The following PIP4P2 variants were observed in gnomAD, a reference collection of about 807,000 sequenced individuals.
PIP4P2 encodes phosphatidylinositol-4,5-bisphosphate 4-phosphatase 2.
In PIP4P2, 19 loss-of-function variants were observed where a neutral mutation model predicts 33.3. That is an observed-to-expected ratio of 0.57 (90% CI 0.40 to 0.84). The LOEUF is 0.84. Ranked by LOEUF, PIP4P2 falls within the 40% of genes least tolerant of loss-of-function variation. The pLI, the probability that PIP4P2 is intolerant of heterozygous loss-of-function variation, is 0.00. For missense variants in PIP4P2, 270 were observed against 324.7 expected (o/e 0.83, Z 1.29); for synonymous variants, 110 against 111.9 (o/e 0.98, Z 0.11).
At chr8:91,008,240 T>C (rs1209634537) in intron 5 of PIP4P2, among the ~76,000 whole-genome samples, 1 of 152,186 alleles carries the variant, frequency 6.6e-6, no homozygotes, top group Non-Finnish European at 1.5e-5. Context: ...TATATTGTCA[T>C]TATTTTCATT....
rs533237688 is a variant in PIP4P2, at chr8:91,007,270, AG to A, written c.539+1472del. Among the ~76,000 whole-genome samples the A allele has an allele frequency of 4.6e-5, 7 of 152,354 alleles. No homozygotes were observed. The South Asian group carries it at 1.2e-3, about 27-fold the overall frequency. On this transcript the variant is annotated intron_variant, in intron 5 of 6. Coordinates refer to ENST00000285419, the MANE Select transcript of PIP4P2 (RefSeq NM_018710.3). ...GAATGATTAATTTCACAAATAAAAA[AG>A]AAACTATTTTTTATAAGCTAAGATA...
intron 5 of PIP4P2, among the ~76,000 whole-genome samples, chr8:91,003,316 G>A (rs1284334439): frequency 6.6e-6 from 1 of 152,194 alleles, no homozygotes; most frequent in Non-Finnish European, 1.5e-5. Flanking sequence ...GTCCTGGTGA[G>A]AGATGCTGAA....
chr8:91,020,608 G>C (rs1811994928), intron 2 of PIP4P2, among the ~76,000 whole-genome samples: 1 of 152,056 alleles, frequency 6.6e-6, no homozygotes, highest in Admixed American at 6.6e-5. Flanking sequence ...ATCTAAACCA[G>C]TGTATGCTTT....
chr8:91,002,528 A>G (rs947971681), intron 5 of PIP4P2, among the ~76,000 whole-genome samples: 2 of 152,212 alleles, frequency 1.3e-5, no homozygotes, highest in African/African-American at 4.8e-5. Flanking sequence ...TGTTCTTTAC[A>G]TTACAATTTT....
intron 1 of PIP4P2, 89 bp from the exon 2 acceptor site, chr8:91,021,493 A>T: frequency 7.0e-7 from 1 of 1,424,420 alleles, no homozygotes; most frequent in Non-Finnish European, 9.4e-7. Context: ...AAGAAGAAAC[A>T]ATCAAGATTT....
Position 91,040,844 on chromosome 8 carries a change from C to CGCTGCAGCT in PIP4P2, c.-104_-96dup. The CGCTGCAGCT allele has an allele frequency of 9.0e-7, 1 of 1,116,562 alleles. No individual in the cohort carries two copies. 69.2% of individuals were successfully genotyped at this position (1,116,562 alleles called of 1,614,324 possible). On this transcript the variant is annotated 5_prime_UTR_variant, in exon 1 of 7. Coordinates refer to ENST00000285419, the MANE Select transcript of PIP4P2 (RefSeq NM_018710.3). ...CTGCTGCCTCTGCTGCCGCTGCTGC[C>CGCTGCAGCT]GCTGCAGCTGCTGCTGCTGCCGCCT...
chr8:91,017,914 T>A (rs538998340), intron 4 of PIP4P2, among the ~76,000 whole-genome samples: 2 of 152,358 alleles, frequency 1.3e-5, no homozygotes, highest in East Asian at 3.9e-4. Flanking sequence ...CTAATGGTTT[T>A]ATCTAATTAT....
intron 1 of PIP4P2, among the ~76,000 whole-genome samples, chr8:91,026,922 T>C (rs989347734): frequency 3.3e-5 from 5 of 152,126 alleles, no homozygotes; most frequent in African/African-American, 1.2e-4. Context: ...ATGGTAGTAA[T>C]AATTATTATA....
chr8:91,023,234 T>G (rs1812035805), intron 1 of PIP4P2, among the ~76,000 whole-genome samples: 1 of 151,318 alleles, frequency 6.6e-6, no homozygotes, highest in South Asian at 2.1e-4. Flanking sequence ...TTAACAAAAG[T>G]TGCTTCCTCT....
At chr8:91,025,538 C>T (rs1373149960) in intron 1 of PIP4P2, among the ~76,000 whole-genome samples, 2 of 152,130 alleles carry the variant, frequency 1.3e-5, no homozygotes, top group African/African-American at 4.8e-5. Context: ...TTTATTATCT[C>T]AATTATTCCT....
At chr8:91,034,405 T>C (rs1435846029) in intron 1 of PIP4P2, among the ~76,000 whole-genome samples, 1 of 152,152 alleles carries the variant, frequency 6.6e-6, no homozygotes, top group Non-Finnish European at 1.5e-5. Context: ...CTCACCACCA[T>C]ACTGGAAAGC....
chr8:90,998,132 A>G (rs1426339115), intron 5 of PIP4P2, among the ~76,000 whole-genome samples: 2 of 152,042 alleles, frequency 1.3e-5, no homozygotes, highest in African/African-American at 4.8e-5. Context: ...CTTGCCTTAT[A>G]CATCACATCT....
chr8:91,020,081 G>T (rs931340011), intron 3 of PIP4P2, 76 bp downstream of exon 3: 15 of 1,395,434 alleles, frequency 1.1e-5, no homozygotes, highest in Admixed American at 1.8e-5. Flanking sequence ...AACAAAGCCT[G>T]GCACTGAAGA....
In PIP4P2 at chr8:91,040,694, C is replaced by T. The variant is rs548165601; in HGVS notation, c.56G>A (p.Gly19Glu). The change falls in exon 1 of 7, where the codon GGA becomes GAA. Residue 19 changes from glycine to glutamate, a missense_variant. Coordinates refer to ENST00000285419, the MANE Select transcript of PIP4P2 (RefSeq NM_018710.3). ...CGGTGGGGCGGTGGGAGTGACATTT[C>T]CGGAGTGGGATGCTGACAGCAGAGG... ...RSPLLSASHS[G>E]NVTPTAPPYL... The T allele has an allele frequency of 6.8e-5, 109 of 1,613,296 alleles. No homozygotes were observed. In the South Asian group the frequency reaches 1.1e-3, roughly 17 times the overall value.
chr8:91,014,540 T>C (rs191406627), intron 4 of PIP4P2, among the ~76,000 whole-genome samples: 3 of 151,858 alleles, frequency 2.0e-5, no homozygotes, highest in Non-Finnish European at 2.9e-5. Context: ...GAATGTAAAA[T>C]AGTTTAATTC....
chr8:91,025,995 TG>T (rs1812079136), intron 1 of PIP4P2, among the ~76,000 whole-genome samples: 1 of 152,202 alleles, frequency 6.6e-6, no homozygotes, highest in Non-Finnish European at 1.5e-5. Context: ...AAAATTCATC[TG>T]GCTGAAGACA....
At chr8:91,029,416 T>C (rs1459991623) in intron 1 of PIP4P2, among the ~76,000 whole-genome samples, 2 of 152,232 alleles carry the variant, frequency 1.3e-5, no homozygotes, top group Non-Finnish European at 2.9e-5. Context: ...TGGATGTTTC[T>C]AATGAGGACA....
chr8:91,015,638 T>C (rs999256744), intron 4 of PIP4P2, among the ~76,000 whole-genome samples: 1 of 152,198 alleles, frequency 6.6e-6, no homozygotes, highest in African/African-American at 2.4e-5. Context: ...GCCATTTTTA[T>C]ACTTTCTGCA....
intron 1 of PIP4P2, among the ~76,000 whole-genome samples, chr8:91,040,161 T>C (rs1812284397): frequency 6.6e-6 from 1 of 152,152 alleles, no homozygotes; most frequent in Non-Finnish European, 1.5e-5. Flanking sequence ...GTTGGGTGAA[T>C]GGTAGCAGAA....
Sources: allele counts gnomAD v4.1 joint callset (sites outside exome capture counted in the v4.1 genomes callset), GRCh38; gene constraint gnomAD v4.1.1; transcripts MANE v1.5; gene names NCBI Gene and HGNC (gene_info 2026-07-23, HGNC 2026-07-21).